IDH1: variants seen among roughly 807,000 people sequenced by gnomAD.
IDH1 encodes the protein isocitrate dehydrogenase [NADP] cytoplasmic.
IDH1 carries 33 observed loss-of-function variants against 46.1 expected under a neutral mutation model. The observed-to-expected ratio is 0.72, with a 90% CI of 0.54 to 0.96. The LOEUF (loss-of-function observed/expected upper bound fraction) is 0.96, where lower values mean the gene tolerates loss of function less well. IDH1 is among the 40% of genes least tolerant of loss of function. The pLI, the probability that IDH1 is intolerant of heterozygous loss-of-function variation, is 0.00. For missense variants in IDH1, 421 were observed against 515.7 expected, an observed-to-expected ratio of 0.82 and a Z score of 1.78; for synonymous variants, 144 against 172.8, an observed-to-expected ratio of 0.83 and a Z score of 1.31.
rs1341959637 is a variant in IDH1 at position 208,245,421 on chromosome 2, T to A, written c.418A>T (p.Arg140Ter). 2 of 1,588,858 alleles carry A rather than the reference T, an allele frequency of 1.3e-6. No homozygotes were observed. Among genetic ancestry groups the A allele is most frequent in the South Asian group, 2.2e-5 (2 of 90,524 alleles). ...IGRHAYGDQYRATDFVVPGPG... is the reference protein window; with the variant it reads ...IGRHAYGDQY Reference sequence around the variant, plus strand: ...CCAGGAACAACAAAATCAGTTGCTCTGTACTGTGTAGAGGGGAAAAAGGTA... The same window carrying A: ...CCAGGAACAACAAAATCAGTTGCTCAGTACTGTGTAGAGGGGAAAAAGGTA... The change falls in exon 5 of 10, where the codon AGA (arginine) becomes TGA (stop). Residue 140 changes from arginine (R) to a stop codon, truncating the protein, a stop_gained. Coordinates refer to ENST00000345146, the MANE Select transcript of IDH1 (RefSeq NM_005896.4). LOFTEE classifies it high-confidence loss of function.
Position 208,248,417 on chromosome 2 carries a change from A to G in IDH1, c.366T>C (p.Ser122=), listed in dbSNP as rs142572024. Residue 122 remains serine (S), a synonymous_variant, in exon 4 of 10, where the codon AGT becomes AGC. Transcript: ENST00000345146. ...CTATGATGATAGGTTTTACCCATCC[A>G]CTCACAAGCCGGGGGATATTTTTGC... ...IICKNIPRLV[S]GWVKPIIIGR... 100 of 1,613,864 alleles carry G rather than the reference A, an allele frequency of 6.2e-5. No individual in the cohort carries two copies. Among genetic ancestry groups the G allele is most frequent in the Non-Finnish European group, 7.8e-5 (92 of 1,180,004 alleles).
Sources: gnomAD v4.1 joint callset for allele counts on GRCh38, gnomAD v4.1.1 for gene constraint, MANE v1.5 for transcripts, NCBI Gene and HGNC (gene_info 2026-07-23, HGNC 2026-07-21) for gene names.